The following PEMT variants were observed in gnomAD, a reference collection of about 807,000 sequenced individuals.
The protein encoded by PEMT is phosphatidylethanolamine N-methyltransferase.
PEMT carries 23 observed loss-of-function variants against 27.4 expected under a neutral mutation model. That is an observed-to-expected ratio of 0.84 (90% CI 0.60 to 1.19). PEMT has a LOEUF of 1.19. Among genes scored for constraint, PEMT ranks in the 50% most tolerant of loss-of-function variants. The pLI, the probability that PEMT is intolerant of heterozygous loss-of-function variation, is 0.00. For synonymous variants in PEMT, 137 were observed against 139.1 expected (o/e 0.98, Z 0.11); for missense variants, 307 against 310.1 (o/e 0.99, Z 0.07).
chr17:17,523,236 T>C lies in PEMT; in HGVS notation c.205-841A>G, dbSNP rs1456644842. ...TCTAGGTATGTGAGCAAGTTGTCTG[T>C]GGGCCCAGAGTAGGCGCCTGTGTGT... is the stretch of plus-strand genomic sequence containing the variant. On this transcript the variant is annotated intron_variant, in intron 2 of 6. Transcript: ENST00000255389. The surrounding 1 kb of genome is among the most constrained non-coding windows in gnomAD (Gnocchi z 4.8). Among the ~76,000 whole-genome samples, 1 of 152,144 alleles carries C rather than the reference T, an allele frequency of 6.6e-6. No homozygotes were observed. Among genetic ancestry groups the C allele is most frequent in the East Asian group, 1.9e-4 (1 of 5,178 alleles).
rs1362744879 is a variant in PEMT, at chr17:17,521,710, G to A, written c.320+570C>T. Among the ~76,000 whole-genome samples, 7 of 152,202 alleles carry A rather than the reference G, an allele frequency of 4.6e-5. No homozygotes were observed. In the South Asian group the frequency reaches 1.0e-3, roughly 23 times the overall value. ...CTCTCGAGTAGCTGGGATTACAGGC[G>A]CATGCACCACCATGCCCGGCTAATT... On this transcript the variant is annotated intron_variant, in intron 3 of 6. Coordinates refer to ENST00000255389, the MANE Select transcript of PEMT (RefSeq NM_148172.3).
At chr17:17,560,964 CA>C (rs1368104837) in intron 2 of PEMT, among the ~76,000 whole-genome samples, 1 of 152,056 alleles carries the variant, frequency 6.6e-6, no homozygotes, top group Non-Finnish European at 1.5e-5. Flanking sequence ...TGGCCTGACA[CA>C]CGTCTAGGAG....
chr17:17,554,041 C>T (rs1033667353), intron 2 of PEMT, among the ~76,000 whole-genome samples: 3 of 152,222 alleles, frequency 2.0e-5, no homozygotes, highest in Non-Finnish European at 2.9e-5. Flanking sequence ...AGACCTGGCC[C>T]GTGAGCAGGA....
Position 17,586,288 on chromosome 17 carries a change from G to GAAAAA in PEMT, c.96+5238_96+5242dup, listed in dbSNP as rs113887195. Among the ~76,000 whole-genome samples, 85 of 72,050 alleles carry GAAAAA rather than the reference G, an allele frequency of 1.2e-3. 5 individuals carry two copies. The highest frequency in any genetic ancestry group is 7.8e-3 in the East Asian group (20 of 2,568). 47.3% of individuals were successfully genotyped at this position (72,050 alleles called of 152,430 possible). On this transcript the variant is annotated intron_variant, in intron 1 of 6. Transcript: ENST00000255389. ...AGAAAGAAAGAAAGAAAGAAAGAAA[G>GAAAAA]AAAAAAAAAAACGCAGGTGGAAAAT...
At chr17:17,556,325 G>A (rs899651450) in intron 2 of PEMT, among the ~76,000 whole-genome samples, 7 of 152,014 alleles carry the variant, frequency 4.6e-5, no homozygotes, top group Non-Finnish European at 8.8e-5. Flanking sequence ...AGCCAAGGCC[G>A]GAGCCTTCTG....
rs112026765 is a variant in PEMT, at chr17:17,578,173, A to AT, written c.97-1147dup. Among the ~76,000 whole-genome samples the AT allele has an allele frequency of 4.3e-3, 624 of 145,270 alleles. 6 individuals are homozygous for AT. The highest frequency in any genetic ancestry group is 9.2e-3 in the African/African-American group (367 of 39,952). On this transcript the variant is annotated intron_variant, in intron 1 of 6. Transcript: ENST00000255389. ...TAGTATCAAATATTCAGATTTTACA[A>AT]TTTTTTTTTTTTTTGAGACAGAGTC... is the stretch of plus-strand genomic sequence containing the variant.
At position 17,591,619 on chromosome 17, in the gene PEMT, C is replaced by T; in HGVS notation, c.8G>A (p.Arg3Lys). 3.1e-6 allele frequency: 5 copies of T among 1,612,392 alleles called. No individual in the cohort carries two copies. The highest frequency in any genetic ancestry group is 4.2e-6 in the Non-Finnish European group (5 of 1,179,360). Residue 3 changes from arginine to lysine, a missense_variant, in exon 1 of 7, where the codon AGA (arginine) becomes AAA (lysine). Coordinates refer to ENST00000255389, the MANE Select transcript of PEMT (RefSeq NM_148172.3). Reference sequence around the variant, plus strand: ...TACCTCGGCTCCCGGGTTCCCAGATCTCTTCATCCGGGGGCCGCCTCAGGA... The same window carrying T: ...TACCTCGGCTCCCGGGTTCCCAGATTTCTTCATCCGGGGGCCGCCTCAGGA... The part of the protein sequence containing the change: MK[R>K]SGNPGAEVTN...
At chr17:17,570,657 G>C (rs1911132301) in intron 2 of PEMT, 1 of 985,316 alleles carries the variant, frequency 1.0e-6, no homozygotes, top group South Asian at 4.7e-5. Context: ...GGATGACTGA[G>C]GATACAGGTG....
At chr17:17,534,005 C>T (rs910790334) in intron 2 of PEMT, among the ~76,000 whole-genome samples, 1 of 152,158 alleles carries the variant, frequency 6.6e-6, no homozygotes, top group African/African-American at 2.4e-5. Flanking sequence ...GGATTACAGA[C>T]ATGAGCCACT....
intron 2 of PEMT, among the ~76,000 whole-genome samples, chr17:17,564,294 G>A (rs1056950214): frequency 3.9e-5 from 6 of 152,144 alleles, no homozygotes; most frequent in Non-Finnish European, 5.9e-5. Context: ...GAATGGAGAT[G>A]GAGTATGGGG....
chr17:17,591,459 G>A (rs1302629696), intron 1 of PEMT, 72 bp downstream of exon 1: 5 of 1,236,158 alleles, frequency 4.0e-6, no homozygotes, highest in South Asian at 1.4e-5. Flanking sequence ...TTGAGGCGCC[G>A]CAAGCCTTCA....
At chr17:17,555,686 G>A (rs1019833336) in intron 2 of PEMT, among the ~76,000 whole-genome samples, 5 of 152,170 alleles carry the variant, frequency 3.3e-5, no homozygotes, top group African/African-American at 4.8e-5. Flanking sequence ...TCTGACCACG[G>A]CCCATCCACC....
chr17:17,563,166 G>A (rs550184964), intron 2 of PEMT, among the ~76,000 whole-genome samples: 21 of 152,054 alleles, frequency 1.4e-4, no homozygotes, highest in Non-Finnish European at 2.1e-4. Context: ...CTGAGGAGCC[G>A]GCAGACTAAG....
intron 2 of PEMT, among the ~76,000 whole-genome samples, chr17:17,546,032 A>G (rs1909239087): frequency 6.6e-6 from 1 of 152,156 alleles, no homozygotes; most frequent in Non-Finnish European, 1.5e-5. Context: ...GCTCACTCCC[A>G]GCACAGCATC....
chr17:17,528,048 G>A (rs773989966), intron 2 of PEMT, among the ~76,000 whole-genome samples: 4 of 152,236 alleles, frequency 2.6e-5, no homozygotes, highest in Admixed American at 6.5e-5. Flanking sequence ...CTAGTGCTTC[G>A]CATTGGTAAT....
intron 2 of PEMT, among the ~76,000 whole-genome samples, chr17:17,549,315 G>A (rs1870312145): frequency 6.6e-6 from 1 of 152,078 alleles, no homozygotes; most frequent in African/African-American, 2.4e-5. Flanking sequence ...TCAGCCTCCT[G>A]AGTAGCTGGG....
chr17:17,580,010 C>T (rs568548210), intron 1 of PEMT, among the ~76,000 whole-genome samples: 4 of 152,296 alleles, frequency 2.6e-5, no homozygotes, highest in East Asian at 3.9e-4. Flanking sequence ...TAGGCCCACA[C>T]TCCCCAGAGC....
intron 1 of PEMT, among the ~76,000 whole-genome samples, chr17:17,587,006 AAAAG>A (rs1182483982): frequency 2.6e-5 from 4 of 152,272 alleles, no homozygotes; most frequent in South Asian, 4.1e-4. Context: ...CCGTCTCAAA[AAAAG>A]AAAGAAAGAA....
intron 2 of PEMT, among the ~76,000 whole-genome samples, chr17:17,551,887 CA>C (rs567054841): frequency 1.8e-3 from 277 of 152,170 alleles, no homozygotes; most frequent in Non-Finnish European, 3.5e-3. Flanking sequence ...AGAGACGATA[CA>C]AAAAAACTTC....
Sources: allele counts gnomAD v4.1 joint callset (sites outside exome capture counted in the v4.1 genomes callset), GRCh38; gene constraint gnomAD v4.1.1; non-coding constraint Gnocchi (gnomAD v3.1); transcripts MANE v1.5; gene names NCBI Gene and HGNC (gene_info 2026-07-23, HGNC 2026-07-21).